ZBTB20: variants seen among roughly 807,000 people sequenced by gnomAD.
ZBTB20 encodes zinc finger and BTB domain containing 20.
In ZBTB20, 9 loss-of-function variants were observed where a neutral mutation model predicts 56.9. The ratio of observed to expected loss-of-function variants is 0.16; its 90% CI spans 0.10 to 0.28. The LOEUF (loss-of-function observed/expected upper bound fraction) is 0.28, where lower values mean the gene tolerates loss of function less well. Ranked by LOEUF, ZBTB20 falls within the 10% of genes least tolerant of loss-of-function variation. ZBTB20 has a pLI of 1.00. For synonymous variants in ZBTB20, 417 were observed against 420.7 expected, an observed-to-expected ratio of 0.99 and a Z score of 0.11; for missense variants, 655 against 1,003.0, an observed-to-expected ratio of 0.65 and a Z score of 4.69.
At chr3:114,922,675 G>A (rs891474743) in intron 3 of ZBTB20, among the ~76,000 whole-genome samples, 1 of 152,182 alleles carries the variant, frequency 6.6e-6, no homozygotes, top group African/African-American at 2.4e-5. Context: ...AGCTCCTGGT[G>A]AGAGCTCAGG....
At chr3:114,767,720 T>C (rs1042482330) in intron 5 of ZBTB20, among the ~76,000 whole-genome samples, 1 of 152,060 alleles carries the variant, frequency 6.6e-6, no homozygotes, top group African/African-American at 2.4e-5. Flanking sequence ...CCCTCTAATC[T>C]TCCTTCTCTG....
At chr3:114,828,962 T>TA (rs377170168) in intron 4 of ZBTB20, among the ~76,000 whole-genome samples, 1 of 151,886 alleles carries the variant, frequency 6.6e-6, no homozygotes, top group South Asian at 2.1e-4. Context: ...GCCTATTTGA[T>TA]AAAAAGATAA....
At position 114,769,792 on chromosome 3, in the gene ZBTB20, C is replaced by T. The variant is rs145607299; in HGVS notation, c.-343+31309G>A. Among the ~76,000 whole-genome samples, 86 of 152,038 alleles carry T rather than the reference C, an allele frequency of 5.7e-4. No homozygotes were observed. In the East Asian group the frequency reaches 0.012, roughly 21 times the overall value. ...TGATGCAATGGGCTAGGCATGGTGG[C>T]TCAGACCTGTAATCCCAGAACTTTG... On this transcript the variant is annotated intron_variant, in intron 5 of 11. Transcript: ENST00000675478.
At chr3:114,517,972 G>A (rs2046210283) in intron 6 of ZBTB20, among the ~76,000 whole-genome samples, 1 of 152,118 alleles carries the variant, frequency 6.6e-6, no homozygotes, top group South Asian at 2.1e-4. Flanking sequence ...TACCCACTGA[G>A]CTCACATTCT....
chr3:114,788,439 G>T (rs559714442), intron 5 of ZBTB20, among the ~76,000 whole-genome samples: 13 of 152,088 alleles, frequency 8.5e-5, no homozygotes, highest in African/African-American at 2.9e-4. Context: ...GTACTTACTC[G>T]GCACAATGCA....
intron 1 of ZBTB20, among the ~76,000 whole-genome samples, chr3:115,090,979 C>T (rs184039291): frequency 6.6e-6 from 1 of 151,956 alleles, no homozygotes; most frequent in East Asian, 1.9e-4. Flanking sequence ...GCATGAGAGT[C>T]TCTGAACTGC....
intron 6 of ZBTB20, among the ~76,000 whole-genome samples, chr3:114,598,194 T>C (rs904935307): frequency 6.6e-6 from 1 of 152,114 alleles, no homozygotes; most frequent in South Asian, 2.1e-4. Flanking sequence ...TCTCTAACTT[T>C]CACATACATA....
At chr3:115,100,057 A>C (rs1189275627) in intron 1 of ZBTB20, 2 of 152,052 alleles carry the variant, frequency 1.3e-5, no homozygotes, top group East Asian at 3.9e-4. Context: ...GTCAAACTTA[A>C]ATCTGGAAAT....
At chr3:114,729,872 T>C (rs554037553) in intron 5 of ZBTB20, among the ~76,000 whole-genome samples, 1 of 151,898 alleles carries the variant, frequency 6.6e-6, no homozygotes, top group Admixed American at 6.6e-5. Flanking sequence ...GGCATGACCA[T>C]AGCTCACTAC....
chr3:114,619,975 A>C (rs114987280), intron 6 of ZBTB20, among the ~76,000 whole-genome samples: 4,743 of 152,300 alleles, frequency 0.031, 119 homozygotes, highest in South Asian at 0.11. Flanking sequence ...GAAAGGAAGA[A>C]CAAGTATTGA....
chr3:115,101,816 G>T (rs2083593191), intron 1 of ZBTB20, among the ~76,000 whole-genome samples: 1 of 151,950 alleles, frequency 6.6e-6, no homozygotes, highest in Non-Finnish European at 1.5e-5. Context: ...GTATTAACAT[G>T]CTTCAAAAAT....
chr3:115,101,295 A>G (rs2083574510), intron 1 of ZBTB20, among the ~76,000 whole-genome samples: 1 of 152,162 alleles, frequency 6.6e-6, no homozygotes, highest in South Asian at 2.1e-4. Context: ...TTCTAAATAA[A>G]CTTGCCTTAA....
intron 2 of ZBTB20, among the ~76,000 whole-genome samples, chr3:115,064,443 C>CTTTTTTTTTTTTTT (rs34098178): frequency 1.3e-5 from 1 of 78,042 alleles, no homozygotes; most frequent in Non-Finnish European, 2.3e-5. Flanking sequence ...TCTCATAATT[C>CTTTTTTTTTTTTTT]TTTTTTTTTT....
intron 7 of ZBTB20, among the ~76,000 whole-genome samples, chr3:114,490,590 C>T (rs2042635693): frequency 6.6e-6 from 1 of 152,116 alleles, no homozygotes; most frequent in Non-Finnish European, 1.5e-5. Flanking sequence ...TGTCTACACT[C>T]CTGTCTCCAG....
chr3:114,853,336 G>GTCGAGATATCCCATGGT (rs1372950629), intron 4 of ZBTB20, among the ~76,000 whole-genome samples: 1 of 152,194 alleles, frequency 6.6e-6, no homozygotes, highest in Non-Finnish European at 1.5e-5. Flanking sequence ...CATTGTCCCT[G>GTCGAGATATCCCATGGT]TTCTAAATTT....
chr3:114,370,202 A>C (rs1413521755), intron 10 of ZBTB20, among the ~76,000 whole-genome samples: 2 of 152,180 alleles, frequency 1.3e-5, no homozygotes, highest in Admixed American at 6.6e-5. Flanking sequence ...GGTTTTTCTC[A>C]GTCTATAATG....
intron 7 of ZBTB20, among the ~76,000 whole-genome samples, chr3:114,493,183 C>G (rs1325002371): frequency 6.6e-6 from 1 of 152,124 alleles, no homozygotes; most frequent in Admixed American, 6.6e-5. Context: ...GTGATTAAAA[C>G]CAGTTATTGT....
At chr3:115,052,394 T>G (rs1576657100) in intron 2 of ZBTB20, among the ~76,000 whole-genome samples, 2 of 151,724 alleles carry the variant, frequency 1.3e-5, no homozygotes, top group Non-Finnish European at 2.9e-5. Context: ...TAGTTGGAGG[T>G]TGCAGTGAGC....
intron 5 of ZBTB20, among the ~76,000 whole-genome samples, chr3:114,756,359 T>C (rs1430233030): frequency 1.3e-5 from 2 of 152,122 alleles, no homozygotes; most frequent in African/African-American, 2.4e-5. Flanking sequence ...CCATATGAAA[T>C]TTGACATAGG....
Sources: allele counts gnomAD v4.1 joint callset (sites outside exome capture counted in the v4.1 genomes callset), GRCh38; gene constraint gnomAD v4.1.1; transcripts MANE v1.5; gene names NCBI Gene and HGNC (gene_info 2026-07-23, HGNC 2026-07-21).